The following TGFBR2 variants were observed in gnomAD, a reference collection of about 807,000 sequenced individuals.
TGFBR2 encodes the protein TGF-beta receptor type-2.
Under a neutral mutation model 49.0 loss-of-function variants are expected in TGFBR2, and 18 were observed. The observed-to-expected ratio is 0.37, with a 90% CI of 0.25 to 0.54. The LOEUF (loss-of-function observed/expected upper bound fraction) is 0.54, where lower values mean the gene tolerates loss of function less well. TGFBR2 is among the 20% of genes least tolerant of loss of function. The probability of loss-of-function intolerance (pLI) is 0.85; values close to 1 mark genes in which losing one functional copy is unlikely to be tolerated. For synonymous variants in TGFBR2, 282 were observed against 275.9 expected, an observed-to-expected ratio of 1.02 and a Z score of -0.22; for missense variants, 525 against 722.6, an observed-to-expected ratio of 0.73 and a Z score of 3.13.
chr3:30,660,950 G>A (rs550844619), intron 3 of TGFBR2, among the ~76,000 whole-genome samples: 18 of 152,176 alleles, frequency 1.2e-4, no homozygotes, highest in Non-Finnish European at 2.4e-4. Flanking sequence ...GAAGCCTGTG[G>A]TTCACCTGGA....
At chr3:30,678,966 A>C (rs183441570) in intron 5 of TGFBR2, among the ~76,000 whole-genome samples, 2 of 152,346 alleles carry the variant, frequency 1.3e-5, no homozygotes, top group East Asian at 3.9e-4. Flanking sequence ...ATTTCACAGA[A>C]AACTGTGAAG....
At chr3:30,660,357 A>G (rs895916060) in intron 3 of TGFBR2, among the ~76,000 whole-genome samples, 1 of 152,130 alleles carries the variant, frequency 6.6e-6, no homozygotes, top group African/African-American at 2.4e-5. Flanking sequence ...AGCTTTAAAA[A>G]CTACTCATTA....
chr3:30,680,973 G>A (rs892942454), intron 5 of TGFBR2, among the ~76,000 whole-genome samples: 9 of 152,004 alleles, frequency 5.9e-5, no homozygotes, highest in Non-Finnish European at 1.0e-4. Flanking sequence ...AACACAGCAG[G>A]CAAAATACTC....
chr3:30,633,362 G>T (rs1324872784), intron 1 of TGFBR2, among the ~76,000 whole-genome samples: 1 of 152,174 alleles, frequency 6.6e-6, no homozygotes, highest in South Asian at 2.1e-4. Context: ...ACATCACATA[G>T]ATCTGATTTC....
chr3:30,607,799 A>AAATATAT (rs1367214755), intron 1 of TGFBR2, among the ~76,000 whole-genome samples: 328 of 138,296 alleles, frequency 2.4e-3, no homozygotes, highest in African/African-American at 4.0e-3. Context: ...AAAATAAAAA[A>AAATATAT]ATATATATAT....
intron 3 of TGFBR2, among the ~76,000 whole-genome samples, chr3:30,657,614 C>T (rs530196584): frequency 2.9e-4 from 44 of 152,274 alleles, no homozygotes; most frequent in African/African-American, 1.0e-3. Context: ...GAACTTGGCA[C>T]GGCACCTGGC....
At chr3:30,654,313 A>C (rs961503061) in intron 3 of TGFBR2, among the ~76,000 whole-genome samples, 3 of 152,184 alleles carry the variant, frequency 2.0e-5, no homozygotes, top group African/African-American at 4.8e-5. Context: ...GAGGACTGAG[A>C]TCATGGTTTT....
chr3:30,606,754 C>A lies in TGFBR2; in HGVS notation c.-130C>A. The A allele has an allele frequency of 1.6e-6, 1 of 626,468 alleles. No homozygotes were observed. The highest frequency in any genetic ancestry group is 2.3e-6 in the Non-Finnish European group (1 of 426,116). 38.8% of individuals were successfully genotyped at this position (626,468 alleles called of 1,614,324 possible). ...GCTGGCGAGCGGGCGCCACATCTGG[C>A]CCGCACATCTGCGCTGCCGGCCCGG... On this transcript the variant is annotated 5_prime_UTR_variant, in exon 1 of 7. Transcript: ENST00000295754.
chr3:30,691,118 G>C (rs1016739805), intron 6 of TGFBR2, among the ~76,000 whole-genome samples: 4 of 152,190 alleles, frequency 2.6e-5, no homozygotes, highest in Admixed American at 6.5e-5. Flanking sequence ...GGGAGTGTTA[G>C]TGTACCCCAG....
intron 1 of TGFBR2, among the ~76,000 whole-genome samples, chr3:30,622,209 G>A (rs900053504): frequency 4.6e-5 from 7 of 152,170 alleles, no homozygotes; most frequent in African/African-American, 1.7e-4. Context: ...GATTGATATG[G>A]TGTCACTTTT....
intron 1 of TGFBR2, among the ~76,000 whole-genome samples, chr3:30,640,090 G>A (rs904493405): frequency 3.3e-4 from 50 of 152,214 alleles, no homozygotes; most frequent in African/African-American, 1.2e-3. Context: ...TGTAGGCAGT[G>A]AGTGTGGGGA....
upstream of TGFBR2, chr3:30,606,475 A>G (rs774493245): frequency 5.0e-4 from 119 of 240,200 alleles, no homozygotes; most frequent in Non-Finnish European, 8.2e-4. Flanking sequence ...ATTGGCAGCT[A>G]CGAGAGAGCT....
At chr3:30,648,362 C>T (rs1698808763) in intron 2 of TGFBR2, among the ~76,000 whole-genome samples, 1 of 150,472 alleles carries the variant, frequency 6.6e-6, no homozygotes, top group African/African-American at 2.4e-5. Context: ...GAAAAGAGAC[C>T]ATGCCTTTCT....
At chr3:30,628,076 A>G in intron 1 of TGFBR2, among the ~76,000 whole-genome samples, 1 of 148,186 alleles carries the variant, frequency 6.7e-6, no homozygotes, top group Non-Finnish European at 1.5e-5. Flanking sequence ...GTGCACTGCA[A>G]TTATAATACT....
At chr3:30,639,497 C>G (rs558925474) in intron 1 of TGFBR2, among the ~76,000 whole-genome samples, 296 of 152,328 alleles carry the variant, frequency 1.9e-3, no homozygotes, top group African/African-American at 6.9e-3. Context: ...CCAGTCTGCC[C>G]TATAAATTTC....
chr3:30,685,306 G>T (rs554218681), intron 5 of TGFBR2, among the ~76,000 whole-genome samples: 1 of 152,288 alleles, frequency 6.6e-6, no homozygotes, highest in South Asian at 2.1e-4. Flanking sequence ...TCACAAGAAG[G>T]GGCTACATCA....
chr3:30,691,344 CAAG>C (rs1559473318), intron 6 of TGFBR2, 73 bp from the exon 7 acceptor site: 15 of 1,539,918 alleles, frequency 9.7e-6, no homozygotes, highest in Middle Eastern at 1.8e-4. Context: ...ACTATAGCAA[CAAG>C]GTCAGCAGGC....
intron 3 of TGFBR2, among the ~76,000 whole-genome samples, chr3:30,660,798 A>G (rs758402774): frequency 2.6e-5 from 4 of 152,232 alleles, no homozygotes; most frequent in Non-Finnish European, 4.4e-5. Context: ...CGTTAAAGGA[A>G]AGCACATTTT....
At chr3:30,623,178 T>A (rs774677345) in intron 1 of TGFBR2, 134 of 1,307,606 alleles carry the variant, frequency 1.0e-4, no homozygotes, top group Non-Finnish European at 3.9e-5. Flanking sequence ...CTGAGATGGA[T>A]ATAATTATCC....
Sources: gnomAD v4.1 joint callset for allele counts (sites outside exome capture counted in the v4.1 genomes callset) on GRCh38, gnomAD v4.1.1 for gene constraint, MANE v1.5 for transcripts, NCBI Gene and HGNC (gene_info 2026-07-23, HGNC 2026-07-21) for gene names.